The following EIF2B2 variants were observed in gnomAD, a reference collection of about 807,000 sequenced individuals.
The protein encoded by EIF2B2 is translation initiation factor eIF2B subunit beta.
In EIF2B2, 34 loss-of-function variants were observed where a neutral mutation model predicts 34.7. That is an observed-to-expected ratio of 0.98 (90% CI 0.75 to 1.31). The LOEUF (loss-of-function observed/expected upper bound fraction) is 1.31. Among genes scored for constraint, EIF2B2 ranks in the 50% most tolerant of loss-of-function variants. EIF2B2 has a pLI of 0.00. For synonymous variants in EIF2B2, 155 were observed against 171.6 expected (o/e 0.90, Z 0.76); for missense variants, 361 against 447.7 (o/e 0.81, Z 1.75).
chr14:75,004,631 T>G, intron 3 of EIF2B2, 106 bp from the exon 4 acceptor site: 1 of 379,344 alleles, frequency 2.6e-6, no homozygotes, highest in Non-Finnish European at 3.8e-6. Flanking sequence ...TCTTTTTCCG[T>G]ATACGCGTAA....
chr14:75,009,486 G>A lies in EIF2B2; in HGVS notation c.*298G>A, dbSNP rs1324348456. 2.4e-6 allele frequency: 1 copy of A among 416,054 alleles called. No individual in the cohort carries two copies. The highest frequency in any genetic ancestry group is 2.0e-5 in the African/African-American group (1 of 49,274). 25.8% of individuals were successfully genotyped at this position (416,054 alleles called of 1,614,324 possible). The stretch of plus-strand genomic sequence containing the variant: ...AACTTAAACTTTCTGGTTCAGTAGT[G>A]TGTTAAACATAACACTGAATACCTT... On this transcript the variant is annotated 3_prime_UTR_variant, in exon 8 of 8. Transcript: ENST00000266126.
chr14:75,005,803 T>G (rs768876886), intron 4 of EIF2B2, 63 bp from the exon 5 acceptor site: 11 of 1,245,610 alleles, frequency 8.8e-6, no homozygotes, highest in Non-Finnish European at 1.2e-5. Context: ...CAGTTACATT[T>G]GAGAGCACTT....
rs1476333339 is a variant in EIF2B2 at position 75,012,163 on chromosome 14, A to C, written c.*2975A>C. 1 of 152,218 alleles carries C rather than the reference A, an allele frequency of 6.6e-6. No homozygotes were observed. The highest frequency in any genetic ancestry group is 1.5e-5 in the Non-Finnish European group (1 of 68,036). The allele number at this position is 152,218 out of a possible 1,614,324, so 9.4% of individuals were successfully genotyped here. On this transcript the variant is annotated 3_prime_UTR_variant, in exon 8 of 8. Coordinates refer to ENST00000266126, the MANE Select transcript of EIF2B2 (RefSeq NM_014239.4). ...GAACCTGAACTGAACAGGAGGAAAC[A>C]GAAGTTCCACATCAACTCACTACCT... is the stretch of plus-strand genomic sequence containing the variant.
At chr14:75,007,523 T>C in intron 6 of EIF2B2, 199 bp from the exon 7 acceptor site, 1 of 515,662 alleles carries the variant, frequency 1.9e-6, no homozygotes, top group East Asian at 3.4e-5. Flanking sequence ...TTCCATTATA[T>C]GAACATACCA....
chr14:75,009,128 A>G lies in EIF2B2; in HGVS notation c.996A>G (p.Ala332=), dbSNP rs1433961687. Reference sequence around the variant, plus strand: ...TTATCTCCAACATTGGTGGGAATGCACCTTCCTACATCTACCGCCTGATGA... The same window carrying G: ...TTATCTCCAACATTGGTGGGAATGCGCCTTCCTACATCTACCGCCTGATGA... ...TLFISNIGGN[A]PSYIYRLMSE... Residue 332 remains alanine (A), a synonymous_variant, in exon 8 of 8, where the codon GCA becomes GCG. Transcript: ENST00000266126. 4.3e-6 allele frequency: 7 copies of G among 1,613,904 alleles called. No homozygotes were observed. Among genetic ancestry groups the G allele is most frequent in the Non-Finnish European group, 5.9e-6 (7 of 1,179,994 alleles).
At chr14:75,003,428 C>G in intron 2 of EIF2B2, 33 bp downstream of exon 2, 1 of 1,613,828 alleles carries the variant, frequency 6.2e-7, no homozygotes, top group African/African-American at 1.3e-5. Context: ...CTGGTTGGAT[C>G]CAGTGACACT....
At chr14:75,005,824 C>A (rs773516947) in intron 4 of EIF2B2, 42 bp from the exon 5 acceptor site, 9 of 1,470,244 alleles carry the variant, frequency 6.1e-6, no homozygotes, top group South Asian at 1.1e-5. Flanking sequence ...TTCACTATTT[C>A]TCACTCTTTC....
chr14:75,006,559 T>G lies in EIF2B2; in HGVS notation c.694-18T>G. On this transcript the variant is annotated intron_variant, in intron 5 of 7. Transcript: ENST00000266126. This position sits in a 1 kb window ranked among gnomAD's most constrained non-coding sequence, Gnocchi z 4.1. ...CTCCACCCCCAGGATGGCTCACATT[T>G]TTTGTCTTGTCCCAAAGGTGATCAT... 1.2e-6 allele frequency: 2 copies of G among 1,613,484 alleles called. No individual in the cohort carries two copies. Among genetic ancestry groups the G allele is most frequent in the Non-Finnish European group, 1.7e-6 (2 of 1,180,014 alleles).
At chr14:75,004,538 G>T (rs1267233304) in intron 3 of EIF2B2, among the ~76,000 whole-genome samples, 199 bp from the exon 4 acceptor site, 1 of 151,420 alleles carries the variant, frequency 6.6e-6, no homozygotes, top group Middle Eastern at 3.2e-3. Flanking sequence ...TAAAAAAAAA[G>T]AAATTGTGAC....
intron 3 of EIF2B2, 48 bp from the exon 4 acceptor site, chr14:75,004,689 A>ATATT: frequency 7.1e-5 from 11 of 155,340 alleles, no homozygotes; most frequent in South Asian, 1.4e-4. Flanking sequence ...ATATATATAT[A>ATATT]TTTTTTTTTT....
rs1296099634 is a variant in EIF2B2, at chr14:75,006,188, TG to T, written c.693+228del. 1 of 528,368 alleles carries T rather than the reference TG, an allele frequency of 1.9e-6. No individual in the cohort carries two copies. Among genetic ancestry groups the T allele is most frequent in the African/African-American group, 1.9e-5 (1 of 52,294 alleles). 32.7% of individuals were successfully genotyped at this position (528,368 alleles called of 1,614,324 possible). A position where few individuals can be genotyped will look rare whatever the true frequency, so the allele number is the denominator to read the frequency against. ...AATTTGGTTGAAGCATTGAAAAGAA[TG>T]AAGTATTAAATAGAACTAAGGCAAG... On this transcript the variant is annotated intron_variant, in intron 5 of 7. Coordinates refer to ENST00000266126, the MANE Select transcript of EIF2B2 (RefSeq NM_014239.4). This position sits in a 1 kb window ranked among gnomAD's most constrained non-coding sequence, Gnocchi z 4.1.
rs190838035 is a variant in EIF2B2, at chr14:75,011,322, T to C, written c.*2134T>C. On this transcript the variant is annotated 3_prime_UTR_variant, in exon 8 of 8. Coordinates refer to ENST00000266126, the MANE Select transcript of EIF2B2 (RefSeq NM_014239.4). ...GTTTATGCTTACATATTGTTTCCGG[T>C]TTTTAACCTAAAAAGTCTCCCAGGT... The C allele has an allele frequency of 1.8e-4, 27 of 152,352 alleles. No homozygotes were observed. The highest frequency in any genetic ancestry group is 1.6e-3 in the Admixed American group (25 of 15,298). The allele number at this position is 152,352 out of a possible 1,614,324, so 9.4% of individuals were successfully genotyped here. A position where few individuals can be genotyped will look rare whatever the true frequency, so the allele number is the denominator to read the frequency against.
In EIF2B2 at chr14:75,007,791, A is replaced by G. The variant is rs767586496; in HGVS notation, c.898+3A>G. The G allele has an allele frequency of 9.9e-6, 16 of 1,613,566 alleles. No individual in the cohort carries two copies. Among genetic ancestry groups the G allele is most frequent in the Non-Finnish European group, 1.3e-5 (15 of 1,179,820 alleles). Reference sequence around the variant, plus strand: ...AGAAGTCCTGCCATTCACAGAAGGTACAGAAGCTGTGTGTGCATGCGTGCA... The same window carrying G: ...AGAAGTCCTGCCATTCACAGAAGGTGCAGAAGCTGTGTGTGCATGCGTGCA... On this transcript the variant is annotated splice_donor_region_variant and intron_variant, in intron 7 of 7. Coordinates refer to ENST00000266126, the MANE Select transcript of EIF2B2 (RefSeq NM_014239.4).
At chr14:75,003,819 T>A in intron 3 of EIF2B2, 120 bp downstream of exon 3, 2 of 1,435,892 alleles carry the variant, frequency 1.4e-6, no homozygotes, top group South Asian at 2.4e-5. Context: ...TCTCAGAGGT[T>A]TGTCCTCCTT....
chr14:75,009,243 A>T lies in EIF2B2; in HGVS notation c.*55A>T. 6.2e-7 allele frequency: 1 copy of T among 1,604,530 alleles called. No individual in the cohort carries two copies. The highest frequency in any genetic ancestry group is 1.7e-5 in the Admixed American group (1 of 59,982). On this transcript the variant is annotated 3_prime_UTR_variant, in exon 8 of 8. Coordinates refer to ENST00000266126, the MANE Select transcript of EIF2B2 (RefSeq NM_014239.4). Reference sequence around the variant, plus strand: ...TAGGCAGATACAGAATGAAGAGGAGACTTGAGTGTTGCTGCTGAAGCACAT... The same window carrying T: ...TAGGCAGATACAGAATGAAGAGGAGTCTTGAGTGTTGCTGCTGAAGCACAT...
In EIF2B2 at chr14:75,005,830, C is replaced by G. The variant is rs193280751; in HGVS notation, c.598-36C>G. ...AGAGCACTTTTCACTATTTCTCACT[C>G]TTTCTCTTAGAATCAGCCTTTCCCT... On this transcript the variant is annotated intron_variant, in intron 4 of 7. Coordinates refer to ENST00000266126, the MANE Select transcript of EIF2B2 (RefSeq NM_014239.4). 1.6e-5 allele frequency: 24 copies of G among 1,520,074 alleles called. No individual in the cohort carries two copies. The East Asian group carries it at 5.4e-4, about 34-fold the overall frequency. 94.2% of individuals were successfully genotyped at this position (1,520,074 alleles called of 1,614,324 possible). A position where few individuals can be genotyped will look rare whatever the true frequency, so the allele number is the denominator to read the frequency against.
At chr14:75,003,854 G>A (rs1260076918) in intron 3 of EIF2B2, among the ~76,000 whole-genome samples, 155 bp downstream of exon 3, 1 of 152,206 alleles carries the variant, frequency 6.6e-6, no homozygotes, top group Non-Finnish European at 1.5e-5. Flanking sequence ...GTTGCAACAG[G>A]TGACAGGACC....
rs1889619467 is a variant in EIF2B2 at position 75,005,870 on chromosome 14, A to C, written c.602A>C (p.His201Pro). The C allele has an allele frequency of 1.2e-6, 2 of 1,612,736 alleles. No individual in the cohort carries two copies. The highest frequency in any genetic ancestry group is 2.7e-5 in the African/African-American group (2 of 74,916). ...VAECAPFCQG[H>P]EMAVNLSKAG... Reference sequence around the variant, plus strand: ...AGCCTTTCCCTCCCATTGCAGGGTCATGAAATGGCTGTGAATTTGTCCAAA... The same window carrying C: ...AGCCTTTCCCTCCCATTGCAGGGTCCTGAAATGGCTGTGAATTTGTCCAAA... Residue 201 changes from histidine to proline, a missense_variant, in exon 5 of 8, where the codon CAT becomes CCT. His to Pro is a moderately conservative substitution (Grantham distance 77, BLOSUM62 -2). Transcript: ENST00000266126.
At chr14:75,008,968 T>C (rs1889665511) in intron 7 of EIF2B2, 63 bp from the exon 8 acceptor site, 1 of 1,608,698 alleles carries the variant, frequency 6.2e-7, no homozygotes, top group Non-Finnish European at 8.5e-7. Context: ...GGAATCTATA[T>C]GCTACTTAAT....
Sources: allele counts gnomAD v4.1 joint callset (sites outside exome capture counted in the v4.1 genomes callset), GRCh38; gene constraint gnomAD v4.1.1; non-coding constraint Gnocchi (gnomAD v3.1); transcripts MANE v1.5; gene names NCBI Gene and HGNC (gene_info 2026-07-23, HGNC 2026-07-21).